Variants in SNX25 observed in about 807,000 individuals in gnomAD.
SNX25 encodes the protein sorting nexin-25.
Under a neutral mutation model 113.7 loss-of-function variants are expected in SNX25, and 62 were observed. That is an observed-to-expected ratio of 0.55 (90% CI 0.44 to 0.67). The LOEUF is 0.67. Among genes scored for constraint, SNX25 ranks in the 30% least tolerant of loss-of-function variants. The probability of loss-of-function intolerance (pLI) is 0.00; values close to 1 mark genes in which losing one functional copy is unlikely to be tolerated. For missense variants in SNX25, 1,014 were observed against 1,161.0 expected, an observed-to-expected ratio of 0.87 and a Z score of 1.84; for synonymous variants, 421 against 436.2, an observed-to-expected ratio of 0.97 and a Z score of 0.43.
In SNX25 at chr4:185,325,312, T is replaced by A. The variant is rs185643108; in HGVS notation, c.1749+1512T>A. On this transcript the variant is annotated intron_variant, in intron 9 of 18. Transcript: ENST00000652585. ...ACTTTAGGAGGCTGAGGTGGGTGGATCATGAGGTCAGGAGTTTGAGACCAG... is the reference window on the plus strand; with the variant it reads ...ACTTTAGGAGGCTGAGGTGGGTGGAACATGAGGTCAGGAGTTTGAGACCAG... 5.3e-5 allele frequency among the ~76,000 whole-genome samples: 8 copies of A among 152,162 alleles called. No individual in the cohort carries two copies. In the East Asian group the frequency reaches 1.4e-3, roughly 26 times the overall value.
intron 12 of SNX25, among the ~76,000 whole-genome samples, chr4:185,343,695 C>T (rs1407319175): frequency 4.6e-5 from 7 of 152,120 alleles, no homozygotes; most frequent in African/African-American, 1.4e-4. Flanking sequence ...TGCCTTTTTT[C>T]CCCAGCAGTG....
chr4:185,353,335 T>C, intron 14 of SNX25, 150 bp from the exon 15 acceptor site: 1 of 596,178 alleles, frequency 1.7e-6, no homozygotes. Context: ...CTGTCCTCTG[T>C]GTTGAAAATG....
chr4:185,341,946 G>C (rs1013907216), intron 11 of SNX25, 30 bp from the exon 12 acceptor site: 39 of 1,557,166 alleles, frequency 2.5e-5, no homozygotes, highest in Non-Finnish European at 3.4e-5. Flanking sequence ...CATGCTTTTT[G>C]TAAGTATCGA....
intron 1 of SNX25, among the ~76,000 whole-genome samples, chr4:185,228,752 T>C (rs999605835): frequency 6.6e-6 from 1 of 152,110 alleles, no homozygotes; most frequent in African/African-American, 2.4e-5. Context: ...AAAACATCAT[T>C]GGAGAGAATA....
rs368547363 is a variant in SNX25, at chr4:185,288,101, T to A, written c.1162+19T>A. ...CACAAAGGTAAGAGCCAGGTTGTTT[T>A]CTTCAGTTCCACATCTGAAAGGTCA... is the stretch of plus-strand genomic sequence containing the variant. On this transcript the variant is annotated intron_variant, in intron 6 of 18. Coordinates refer to ENST00000652585, the MANE Select transcript of SNX25 (RefSeq NM_001378034.2). 8.1e-6 allele frequency: 13 copies of A among 1,606,884 alleles called. No homozygotes were observed. The highest frequency in any genetic ancestry group is 1.1e-5 in the Non-Finnish European group (13 of 1,175,808).
intron 1 of SNX25, among the ~76,000 whole-genome samples, chr4:185,227,782 C>T (rs756982076): frequency 7.9e-5 from 12 of 152,034 alleles, no homozygotes; most frequent in African/African-American, 1.2e-4. Flanking sequence ...TGCAGGCGTG[C>T]AGTTTGCAGG....
At chr4:185,351,357 C>T (rs2095313872) in intron 13 of SNX25, 88 bp from the exon 14 acceptor site, 1 of 1,385,480 alleles carries the variant, frequency 7.2e-7, no homozygotes, top group South Asian at 1.3e-5. Context: ...AAATTCGTGA[C>T]AGCTCTGCCT....
rs1748162255 is a variant in SNX25, at chr4:185,266,826, A to G, written c.905-143A>G. On this transcript the variant is annotated intron_variant, in intron 4 of 18. Transcript: ENST00000652585. Reference sequence around the variant, plus strand: ...TGTGTGCATGTGTGTACATTTTTGAATTGTTTATTGTATTATATAGATATT... The same window carrying G: ...TGTGTGCATGTGTGTACATTTTTGAGTTGTTTATTGTATTATATAGATATT... The G allele has an allele frequency of 6.7e-5, 46 of 684,548 alleles. 3 individuals carry two copies. In the South Asian group the frequency reaches 1.1e-3, roughly 16 times the overall value. 42.4% of individuals were successfully genotyped at this position (684,548 alleles called of 1,614,324 possible).
upstream of SNX25, among the ~76,000 whole-genome samples, chr4:185,208,821 A>G (rs1350332538): frequency 6.6e-6 from 1 of 152,270 alleles, no homozygotes; most frequent in African/African-American, 2.4e-5. Flanking sequence ...TATTAGTCTT[A>G]GCAGTAATTG....
intron 7 of SNX25, among the ~76,000 whole-genome samples, chr4:185,320,481 G>C (rs2095111176): frequency 6.6e-6 from 1 of 152,054 alleles, no homozygotes; most frequent in Non-Finnish European, 1.5e-5. Context: ...TATTGGGGGT[G>C]GGGGCAAGGG....
At chr4:185,335,003 TA>T (rs1561025781) in intron 10 of SNX25, among the ~76,000 whole-genome samples, 1 of 152,128 alleles carries the variant, frequency 6.6e-6, no homozygotes, top group Non-Finnish European at 1.5e-5. Context: ...CTTATGTTGG[TA>T]AAAAATTAAT....
intron 2 of SNX25, among the ~76,000 whole-genome samples, chr4:185,258,349 G>A (rs1159056190): frequency 4.6e-5 from 7 of 152,134 alleles, no homozygotes; most frequent in South Asian, 2.1e-4. Flanking sequence ...AAGAACACAC[G>A]GGAACTGGGG....
intron 1 of SNX25, among the ~76,000 whole-genome samples, chr4:185,219,537 AC>A (rs1369003494): frequency 5.9e-5 from 9 of 152,226 alleles, no homozygotes; most frequent in African/African-American, 2.2e-4. Context: ...CCAGGCTGGG[AC>A]GACAGAGCAA....
chr4:185,273,885 G>A (rs946698478), intron 5 of SNX25, among the ~76,000 whole-genome samples: 1 of 152,126 alleles, frequency 6.6e-6, no homozygotes, highest in East Asian at 1.9e-4. Flanking sequence ...GACTTGTGGT[G>A]TGGGGGCTCC....
At chr4:185,208,457 C>G (rs1226493987), upstream of SNX25, among the ~76,000 whole-genome samples, 1 of 152,014 alleles carries the variant, frequency 6.6e-6, no homozygotes, top group Non-Finnish European at 1.5e-5. Flanking sequence ...AGGCCGGGCG[C>G]GGTGGCTTAC....
In SNX25 at chr4:185,213,938, CT is replaced by C. The variant is rs77831124; in HGVS notation, c.429+3697del. Among the ~76,000 whole-genome samples, 1,327 of 140,018 alleles carry C rather than the reference CT, an allele frequency of 9.5e-3. 12 individuals are homozygous for C. The highest frequency in any genetic ancestry group is 0.019 in the African/African-American group (748 of 38,436). 91.9% of individuals were successfully genotyped at this position (140,018 alleles called of 152,430 possible). On this transcript the variant is annotated intron_variant, in intron 1 of 18. Coordinates refer to ENST00000652585, the MANE Select transcript of SNX25 (RefSeq NM_001378034.2). ...TTTTTACCCTGTGGTTTACTAGATCCTTTTTTTTTTTTTTAGACAAGGTCTC... is the reference window on the plus strand; with the variant it reads ...TTTTTACCCTGTGGTTTACTAGATCCTTTTTTTTTTTTTAGACAAGGTCTC...
intron 1 of SNX25, among the ~76,000 whole-genome samples, chr4:185,243,366 T>G (rs1044718888): frequency 2.6e-5 from 4 of 152,128 alleles, no homozygotes; most frequent in Admixed American, 2.0e-4. Context: ...TCCCAGCACT[T>G]TGGGAGGCCT....
At chr4:185,293,540 T>C (rs1271618173) in intron 6 of SNX25, among the ~76,000 whole-genome samples, 1 of 152,232 alleles carries the variant, frequency 6.6e-6, no homozygotes, top group African/African-American at 2.4e-5. Flanking sequence ...ATGTCCAGAA[T>C]AGGCAAACCT....
downstream of SNX25, among the ~76,000 whole-genome samples, chr4:185,371,354 A>C (rs1391029668): frequency 1.3e-5 from 2 of 152,174 alleles, no homozygotes; most frequent in Admixed American, 6.5e-5. Flanking sequence ...CCTGGCTAAC[A>C]TGGTGAAACC....
Sources: allele counts gnomAD v4.1 joint callset (sites outside exome capture counted in the v4.1 genomes callset), GRCh38; gene constraint gnomAD v4.1.1; transcripts MANE v1.5; gene names NCBI Gene and HGNC (gene_info 2026-07-23, HGNC 2026-07-21).